Variants in TBC1D1 observed in about 807,000 individuals in gnomAD.
TBC1D1 encodes TBC1 (tre-2/USP6, BUB2, cdc16) domain family, member 1.
TBC1D1 carries 89 observed loss-of-function variants against 125.6 expected under a neutral mutation model. That is an observed-to-expected ratio of 0.71 (90% confidence interval 0.60 to 0.85). TBC1D1 has a LOEUF of 0.85. Ranked by LOEUF, TBC1D1 falls within the 40% of genes least tolerant of loss-of-function variation. The pLI is 0.00. For synonymous variants in TBC1D1, 565 were observed against 564.1 expected (o/e 1.00, Z -0.02); for missense variants, 1,377 against 1,469.2 (o/e 0.94, Z 1.03).
intron 12 of TBC1D1, among the ~76,000 whole-genome samples, chr4:38,078,191 C>T (rs1470096191): frequency 2.0e-5 from 3 of 152,174 alleles, no homozygotes; most frequent in Admixed American, 6.5e-5. Flanking sequence ...TTCTGGCACC[C>T]CCAGGCCTTC....
intron 13 of TBC1D1, 90 bp downstream of exon 15, chr4:38,090,207 T>G: frequency 3.2e-6 from 4 of 1,264,160 alleles, no homozygotes; most frequent in Non-Finnish European, 4.5e-6. Flanking sequence ...GTCTTAAAAA[T>G]ACAGCAGCAC....
At chr4:37,959,286 G>T (rs12640697) in intron 2 of TBC1D1, among the ~76,000 whole-genome samples, 4 of 152,070 alleles carry the variant, frequency 2.6e-5, no homozygotes, top group African/African-American at 9.7e-5. Flanking sequence ...CATATATTTC[G>T]TATGTTTTAT....
chr4:38,011,520 A>G (rs970372442), intron 2 of TBC1D1, among the ~76,000 whole-genome samples: 2 of 152,260 alleles, frequency 1.3e-5, no homozygotes, highest in African/African-American at 4.8e-5. Flanking sequence ...CTTTTTAACT[A>G]TTTGCAATTT....
Position 38,110,921 on chromosome 4 carries a change from A to G in TBC1D1, c.2558-4789A>G, listed in dbSNP as rs182503985. 2.2e-3 allele frequency among the ~76,000 whole-genome samples: 331 copies of G among 152,346 alleles called. 1 individual carries two copies. Among genetic ancestry groups the G allele is most frequent in the Non-Finnish European group, 4.4e-3 (301 of 68,028 alleles). Reference sequence around the variant, plus strand: ...GCCTTCTCTCCTGTCTTCTTGAGGCAGAGCTTCAATCTAGAATCTGTTCAC... The same window carrying G: ...GCCTTCTCTCCTGTCTTCTTGAGGCGGAGCTTCAATCTAGAATCTGTTCAC... On this transcript the variant is annotated intron_variant, in intron 15 of 19. Coordinates refer to ENST00000261439, the MANE Select transcript of TBC1D1 (RefSeq NM_015173.4).
chr4:38,052,769 A>C, intron 11 of TBC1D1, among the ~76,000 whole-genome samples: 1 of 126,140 alleles, frequency 7.9e-6, no homozygotes, highest in Non-Finnish European at 1.8e-5. Context: ...CACACAGGAT[A>C]ACATCTGTGT....
intron 12 of TBC1D1, among the ~76,000 whole-genome samples, chr4:38,080,131 C>T (rs952223429): frequency 7.9e-5 from 12 of 152,196 alleles, no homozygotes; most frequent in Non-Finnish European, 4.4e-5. Context: ...GTAGACTGAA[C>T]TCATGGTCTA....
At chr4:37,910,474 G>A (rs1405440556) in intron 2 of TBC1D1, among the ~76,000 whole-genome samples, 2 of 152,054 alleles carry the variant, frequency 1.3e-5, no homozygotes, top group African/African-American at 4.8e-5. Context: ...GGTATATTGG[G>A]TTAAATAAAT....
At chr4:38,066,239 G>C (rs1240814650) in intron 12 of TBC1D1, among the ~76,000 whole-genome samples, 1 of 150,560 alleles carries the variant, frequency 6.6e-6, no homozygotes, top group African/African-American at 2.5e-5. Context: ...TGCTAATAAA[G>C]CATACATTTG....
chr4:38,136,070 G>A lies in TBC1D1; in HGVS notation c.3307-1065G>A, dbSNP rs188720187. 7.9e-5 allele frequency among the ~76,000 whole-genome samples: 12 copies of A among 152,144 alleles called. No individual in the cohort carries two copies. In the East Asian group the frequency reaches 2.3e-3, roughly 29 times the overall value. On this transcript the variant is annotated intron_variant, in intron 19 of 19. Transcript: ENST00000261439. ...CTCCAGGATGCAGCTGTGAGCTGGG[G>A]AACAGGTCAGAAAGGCCTCAGGGAC...
chr4:38,068,925 C>G (rs1390354829), intron 12 of TBC1D1, among the ~76,000 whole-genome samples: 1 of 152,248 alleles, frequency 6.6e-6, no homozygotes, highest in Non-Finnish European at 1.5e-5. Context: ...CATCAGCCTT[C>G]AGGGTGGTGC....
chr4:38,135,195 A>T (rs150046970), intron 19 of TBC1D1, among the ~76,000 whole-genome samples: 55 of 152,298 alleles, frequency 3.6e-4, no homozygotes, highest in African/African-American at 1.3e-3. Context: ...AAATCAACCC[A>T]TTTCCTACCT....
intron 18 of TBC1D1, among the ~76,000 whole-genome samples, chr4:38,129,744 A>G (rs183349671): frequency 5.8e-4 from 89 of 152,354 alleles, no homozygotes; most frequent in African/African-American, 2.0e-3. Flanking sequence ...CGAAGAGGAG[A>G]TATCTAGTAA....
At chr4:38,099,761 G>A (rs1759985423) in intron 14 of TBC1D1, among the ~76,000 whole-genome samples, 1 of 152,220 alleles carries the variant, frequency 6.6e-6, no homozygotes, top group Admixed American at 6.5e-5. Flanking sequence ...AGTGAAGGCA[G>A]CACCATGGTG....
intron 2 of TBC1D1, among the ~76,000 whole-genome samples, chr4:37,969,430 C>T (rs949247379): frequency 1.3e-5 from 2 of 152,228 alleles, no homozygotes; most frequent in Non-Finnish European, 2.9e-5. Flanking sequence ...GCAACCTCCA[C>T]CTCCTGGGTT....
In TBC1D1 at chr4:38,014,630, G is replaced by C; in HGVS notation, c.539G>C (p.Arg180Pro). The C allele has an allele frequency of 6.2e-7, 1 of 1,613,380 alleles. No individual in the cohort carries two copies. Among genetic ancestry groups the C allele is most frequent in the South Asian group, 1.1e-5 (1 of 91,084 alleles). The change falls in exon 3 of 20, where the codon CGC becomes CCC. Residue 180 changes from arginine (R) to proline (P), a missense_variant. By Grantham distance (103) the Arg-to-Pro change is moderately radical. Transcript: ENST00000261439. The surrounding 1 kb of genome is among the most constrained non-coding windows in gnomAD (Gnocchi z 5.1). ...AAGTTCGAGGTGCTCTTCTGCGGCCGCGTGACGGTGGCGCACAAGAAGGCT... is the reference window on the plus strand; with the variant it reads ...AAGTTCGAGGTGCTCTTCTGCGGCCCCGTGACGGTGGCGCACAAGAAGGCT...
intron 1 of TBC1D1, among the ~76,000 whole-genome samples, chr4:37,899,956 T>C (rs1444115091): frequency 6.6e-6 from 1 of 150,416 alleles, no homozygotes; most frequent in Non-Finnish European, 1.5e-5. Flanking sequence ...CCGTCTGTAC[T>C]AAAGATACAA....
At chr4:37,975,194 C>T (rs535390497) in intron 2 of TBC1D1, among the ~76,000 whole-genome samples, 334 of 152,264 alleles carry the variant, frequency 2.2e-3, no homozygotes, top group African/African-American at 7.5e-3. Context: ...ACATGGGTCA[C>T]GTGTCCACTG....
At chr4:38,059,119 A>G (rs140486599) in intron 12 of TBC1D1, among the ~76,000 whole-genome samples, 280 of 152,352 alleles carry the variant, frequency 1.8e-3, no homozygotes, top group African/African-American at 6.4e-3. Flanking sequence ...TTGGAAACCT[A>G]TCTGAGGTAG....
chr4:38,103,442 A>G (rs1760715428), intron 15 of TBC1D1, among the ~76,000 whole-genome samples: 1 of 152,206 alleles, frequency 6.6e-6, no homozygotes, highest in Admixed American at 6.5e-5. Context: ...TAACTCAAAT[A>G]TTGATAGGAG....
Sources: gnomAD v4.1 joint callset for allele counts (sites outside exome capture counted in the v4.1 genomes callset) on GRCh38, gnomAD v4.1.1 for gene constraint, Gnocchi (gnomAD v3.1) non-coding constraint, MANE v1.5 for transcripts, NCBI Gene and HGNC (gene_info 2026-07-23, HGNC 2026-07-21) for gene names.